Variants in ANKRD54 observed in about 807,000 individuals in gnomAD.
ANKRD54 encodes ankyrin repeat domain 54.
A neutral mutation model predicts 36.2 loss-of-function variants in ANKRD54; 26 were observed. The ratio of observed to expected loss-of-function variants is 0.72; its 90% CI spans 0.53 to 1.00. ANKRD54 has a LOEUF of 1.00. Among genes scored for constraint, ANKRD54 ranks in the 50% least tolerant of loss-of-function variants. The pLI, the probability that ANKRD54 is intolerant of heterozygous loss-of-function variation, is 0.00. For synonymous variants in ANKRD54, 209 were observed against 188.4 expected, an observed-to-expected ratio of 1.11 and a Z score of -0.89; for missense variants, 384 against 424.3, an observed-to-expected ratio of 0.91 and a Z score of 0.83.
intron 6 of ANKRD54, 61 bp from the exon 7 acceptor site, chr22:37,832,805 G>C: frequency 6.2e-7 from 1 of 1,606,126 alleles, no homozygotes; most frequent in Non-Finnish European, 8.5e-7. Flanking sequence ...GGCTGATGCT[G>C]CTTCCAAAAA....
At chr22:37,833,778 G>A (rs1923194468) in intron 3 of ANKRD54, 23 bp from the exon 4 acceptor site, 1 of 1,611,774 alleles carries the variant, frequency 6.2e-7, no homozygotes, top group African/African-American at 1.3e-5. Context: ...AAACCCAAGA[G>A]GAGTTGTCGG....
intron 3 of ANKRD54, among the ~76,000 whole-genome samples, chr22:37,836,921 C>G (rs538763205): frequency 6.6e-6 from 1 of 150,514 alleles, no homozygotes; most frequent in African/African-American, 2.5e-5. Context: ...CCCAGCTACC[C>G]GGGAGGCTGA....
At position 37,844,104 on chromosome 22, in the gene ANKRD54, C is replaced by T. The variant is rs751096304; in HGVS notation, c.135G>A (p.Ala45=). 1 of 1,481,768 alleles carries T rather than the reference C, an allele frequency of 6.7e-7. No homozygotes were observed. Among genetic ancestry groups the T allele is most frequent in the Non-Finnish European group, 8.9e-7 (1 of 1,123,732 alleles). 91.8% of individuals were successfully genotyped at this position (1,481,768 alleles called of 1,614,324 possible). A position where few individuals can be genotyped will look rare whatever the true frequency, so the allele number is the denominator to read the frequency against. Residue 45 remains alanine, a synonymous_variant, in exon 1 of 8, where the codon GCG becomes GCA. Transcript: ENST00000215941. ...AGAGGCCCGCGCCGCCGCCGCCCAGCGCAGACCCGAAGTCAGCGAAGGAGA... is the reference window on the plus strand; with the variant it reads ...AGAGGCCCGCGCCGCCGCCGCCCAGTGCAGACCCGAAGTCAGCGAAGGAGA... ...GLFSFADFGS[A]LGGGGAGLSG...
chr22:37,841,994 C>T (rs1177826324), intron 1 of ANKRD54, among the ~76,000 whole-genome samples: 1 of 151,772 alleles, frequency 6.6e-6, no homozygotes, highest in Non-Finnish European at 1.5e-5. Context: ...AGCCCAAAAT[C>T]ACACCATGGC....
chr22:37,838,699 A>G (rs1200629370), intron 2 of ANKRD54, 101 bp from the exon 3 acceptor site: 7 of 1,172,224 alleles, frequency 6.0e-6, no homozygotes, highest in Non-Finnish European at 7.3e-6. Context: ...GTGCCTCTAG[A>G]CAAGACATCG....
intron 3 of ANKRD54, 126 bp downstream of exon 3, chr22:37,838,374 C>A: frequency 1.1e-6 from 1 of 926,844 alleles, no homozygotes; most frequent in Non-Finnish European, 1.6e-6. Context: ...ACTGCAGTGC[C>A]AAGTCTTCCT....
Position 37,831,896 on chromosome 22 carries a change from AGTGGGGCAGG to A in ANKRD54, c.*37_*46del, listed in dbSNP as rs1922923676. 1.3e-6 allele frequency: 2 copies of A among 1,593,434 alleles called. No homozygotes were observed. Among genetic ancestry groups the A allele is most frequent in the Admixed American group, 1.7e-5 (1 of 59,380 alleles). The stretch of plus-strand genomic sequence containing the variant: ...GGCTTTTTCTTGGTACTGAGACAGC[AGTGGGGCAGG>A]GTGGGGCAGTGGCAGGAAGGCAGGG... On this transcript the variant is annotated 3_prime_UTR_variant, in exon 8 of 8. Transcript: ENST00000215941.
At chr22:37,832,822 T>C in intron 6 of ANKRD54, 78 bp from the exon 7 acceptor site, 1 of 1,602,568 alleles carries the variant, frequency 6.2e-7, no homozygotes, top group Non-Finnish European at 8.5e-7. Flanking sequence ...AAAAGCACAG[T>C]GGAGCAGGTG....
At chr22:37,839,391 G>GTTAT (rs755952702) in intron 2 of ANKRD54, among the ~76,000 whole-genome samples, 1 of 151,692 alleles carries the variant, frequency 6.6e-6, no homozygotes, top group South Asian at 2.1e-4. Flanking sequence ...TTTTTCTTAT[G>GTTAT]TTATTTATTT....
rs779263534 is a variant in ANKRD54 at position 37,840,241 on chromosome 22, A to G, written c.329-7T>C. 3.3e-5 allele frequency: 54 copies of G among 1,613,748 alleles called. No individual in the cohort carries two copies. The highest frequency in any genetic ancestry group is 1.5e-5 in the Non-Finnish European group (18 of 1,179,856). On this transcript the variant is annotated splice_region_variant and splice_polypyrimidine_tract_variant and intron_variant, in intron 1 of 7. Coordinates refer to ENST00000215941, the MANE Select transcript of ANKRD54 (RefSeq NM_138797.4). ...TCCCTCAGTCTCTTCAGAGCTGTAA[A>G]GAGAGTAACGGATGCCAGTTTAAAA... is the stretch of plus-strand genomic sequence containing the variant.
intron 2 of ANKRD54, 52 bp from the exon 3 acceptor site, chr22:37,838,650 T>G (rs770059654): frequency 3.9e-5 from 60 of 1,556,328 alleles, no homozygotes; most frequent in Non-Finnish European, 5.0e-5. Context: ...CGATGTTAGC[T>G]AAGCTGCAGA....
At chr22:37,844,352 CGCA>C, upstream of ANKRD54, 1 of 1,247,026 alleles carries the variant, frequency 8.0e-7, no homozygotes, top group Non-Finnish European at 1.1e-6. Context: ...GGGCAGGGCC[CGCA>C]ACCACGGCAA....
chr22:37,840,888 G>GA (rs1042771060), intron 1 of ANKRD54, among the ~76,000 whole-genome samples: 1 of 151,446 alleles, frequency 6.6e-6, no homozygotes, highest in African/African-American at 2.4e-5. Flanking sequence ...CGCTGTCTCA[G>GA]AAAAAAACAA....
chr22:37,833,959 T>C (rs1243969692), intron 3 of ANKRD54: 3 of 567,216 alleles, frequency 5.3e-6, no homozygotes, highest in East Asian at 2.9e-5. Context: ...AACTGAGGAT[T>C]TGGGGAGGGC....
In ANKRD54 at chr22:37,833,740, T is replaced by C. The variant is rs778319170; in HGVS notation, c.491A>G (p.Asp164Gly). ...TCGCTGGTTAGGATCAGCACCATGG[T>C]CCAGGAGCAGCTGCACTGGAAACAG... ...GNDQIVQLLLDHGADPNQRDG... is the reference protein window; with the variant it reads ...GNDQIVQLLLGHGADPNQRDG... The change falls in exon 4 of 8, where the codon GAC (aspartate) becomes GGC (glycine). Residue 164 changes from aspartate (D) to glycine (G), a missense_variant. Around this residue, in one of 3 missense-constraint regions of ANKRD54, gnomAD observed 179 missense variants for 224.0 expected, o/e 0.80. Transcript: ENST00000215941. 1.9e-5 allele frequency: 30 copies of C among 1,614,056 alleles called. No individual in the cohort carries two copies. Among genetic ancestry groups the C allele is most frequent in the Non-Finnish European group, 2.5e-5 (30 of 1,179,944 alleles).
intron 3 of ANKRD54, chr22:37,834,519 A>T (rs1319476320): frequency 6.6e-6 from 1 of 151,318 alleles, no homozygotes; most frequent in Non-Finnish European, 1.5e-5. Flanking sequence ...ACATGGAGAA[A>T]CCCTTTCTCT....
At chr22:37,846,484 T>C (rs1204937318), upstream of ANKRD54, among the ~76,000 whole-genome samples, 1 of 152,138 alleles carries the variant, frequency 6.6e-6, no homozygotes, top group East Asian at 1.9e-4. Context: ...TTTTTTGATT[T>C]TTTGTAGACA....
At chr22:37,832,929 C>T (rs372118606) in intron 6 of ANKRD54, 29 bp downstream of exon 6, 64 of 1,611,382 alleles carry the variant, frequency 4.0e-5, no homozygotes, top group Non-Finnish European at 5.3e-5. Context: ...GCCTTGGTGC[C>T]GTGGTCTCCA....
chr22:37,841,345 G>A (rs1054183958), intron 1 of ANKRD54, among the ~76,000 whole-genome samples: 3 of 152,206 alleles, frequency 2.0e-5, no homozygotes, highest in East Asian at 3.9e-4. Flanking sequence ...GGGCAACATG[G>A]TGAAACCTTG....
Sources: allele counts gnomAD v4.1 joint callset (sites outside exome capture counted in the v4.1 genomes callset), GRCh38; gene constraint gnomAD v4.1.1; regional missense constraint gnomAD v4.1.1; transcripts MANE v1.5; gene names NCBI Gene and HGNC (gene_info 2026-07-23, HGNC 2026-07-21).